The following WDR72 variants were observed in gnomAD, a reference collection of about 807,000 sequenced individuals.
WDR72 encodes WD repeat domain 72.
Under a neutral mutation model 124.2 loss-of-function variants are expected in WDR72, and 120 were observed. That is an observed-to-expected ratio of 0.97 (90% CI 0.83 to 1.12). WDR72 has a LOEUF of 1.12. Among genes scored for constraint, WDR72 ranks in the 50% most tolerant of loss-of-function variants. The pLI is 0.00. For synonymous variants in WDR72, 452 were observed against 441.7 expected (o/e 1.02, Z -0.29); for missense variants, 1,387 against 1,278.8 (o/e 1.08, Z -1.29).
chr15:53,536,635 C>T (rs16966177), intron 18 of WDR72, among the ~76,000 whole-genome samples: 37,267 of 152,094 alleles, frequency 0.25, 4,741 homozygotes, highest in African/African-American at 0.31. Flanking sequence ...TGTTCTCCAG[C>T]TGACGTTTTA....
chr15:53,661,165 T>C (rs192481098), intron 14 of WDR72, among the ~76,000 whole-genome samples: 1 of 152,336 alleles, frequency 6.6e-6, no homozygotes, highest in African/African-American at 2.4e-5. Context: ...CAAAAATATG[T>C]ACTATCTGGT....
intron 14 of WDR72, among the ~76,000 whole-genome samples, chr15:53,658,433 T>C (rs995139887): frequency 2.6e-5 from 4 of 152,098 alleles, no homozygotes; most frequent in East Asian, 1.9e-4. Flanking sequence ...CTTAGAAAAT[T>C]CTTCAAAACC....
At chr15:53,696,001 A>G (rs1311314006) in intron 13 of WDR72, among the ~76,000 whole-genome samples, 1 of 152,036 alleles carries the variant, frequency 6.6e-6, no homozygotes, top group Non-Finnish European at 1.5e-5. Context: ...TTGAGAATTA[A>G]TTACTTTTGG....
rs149848361 is a variant in WDR72, at chr15:53,753,130, C to T, written c.-13+6503G>A. On this transcript the variant is annotated intron_variant, in intron 1 of 19. Coordinates refer to ENST00000360509, the MANE Select transcript of WDR72 (RefSeq NM_182758.4). The stretch of plus-strand genomic sequence containing the variant: ...GCTTCTCGTGTAAAAATACTGTGTT[C>T]TTCCAAGGACTAGTTATCTTCTTCC... Among the ~76,000 whole-genome samples, 515 of 152,336 alleles carry T rather than the reference C, an allele frequency of 3.4e-3. 5 individuals carry two copies. The highest frequency in any genetic ancestry group is 0.012 in the African/African-American group (489 of 41,562).
upstream of WDR72, among the ~76,000 whole-genome samples, chr15:53,762,133 T>C (rs1424011949): frequency 2.0e-5 from 3 of 152,246 alleles, no homozygotes; most frequent in African/African-American, 2.4e-5. Context: ...TAACTCCTCC[T>C]TTTTTTCACT....
chr15:53,520,468 G>T (rs966264703), intron 19 of WDR72, among the ~76,000 whole-genome samples: 2 of 152,004 alleles, frequency 1.3e-5, no homozygotes, highest in Non-Finnish European at 2.9e-5. Context: ...AAAATGGTAA[G>T]AATGTGCATT....
intron 14 of WDR72, among the ~76,000 whole-genome samples, chr15:53,659,169 C>A (rs532276941): frequency 0.043 from 6,582 of 152,270 alleles, 220 homozygotes; most frequent in Admixed American, 0.08. Flanking sequence ...TACATTCACA[C>A]ATTAAGTAAG....
rs1007937171 is a variant in WDR72 at position 53,701,515 on chromosome 15, T to G, written c.1569+619A>C. ...ATGATCACGCCACTGTACTCCAGCC[T>G]GGATGACAAAGTGAGACCCTGTCTC... On this transcript the variant is annotated intron_variant, in intron 12 of 19. Coordinates refer to ENST00000360509, the MANE Select transcript of WDR72 (RefSeq NM_182758.4). Among the ~76,000 whole-genome samples, 3 of 146,700 alleles carry G rather than the reference T, an allele frequency of 2.0e-5. No homozygotes were observed. In the East Asian group the frequency reaches 6.4e-4, roughly 31 times the overall value.
At chr15:53,521,017 C>T (rs184267847) in intron 19 of WDR72, among the ~76,000 whole-genome samples, 26 of 152,154 alleles carry the variant, frequency 1.7e-4, no homozygotes, top group Admixed American at 1.6e-3. Flanking sequence ...CATGTCACTG[C>T]CTCTTTGTTG....
intron 1 of WDR72, among the ~76,000 whole-genome samples, chr15:53,745,136 A>G (rs568249394): frequency 1.3e-5 from 2 of 151,478 alleles, no homozygotes; most frequent in African/African-American, 4.9e-5. Context: ...TTTGAGCCTC[A>G]GTTTTCTTAT....
At chr15:53,630,516 GAAC>G (rs1308105931) in intron 14 of WDR72, among the ~76,000 whole-genome samples, 2 of 152,004 alleles carry the variant, frequency 1.3e-5, no homozygotes, top group Non-Finnish European at 2.9e-5. Context: ...TTTACACCAT[GAAC>G]AACTAGAATT....
chr15:53,547,026 G>T (rs1259944874), intron 18 of WDR72, among the ~76,000 whole-genome samples: 1 of 152,092 alleles, frequency 6.6e-6, no homozygotes, highest in African/African-American at 2.4e-5. Context: ...AATAAAATAG[G>T]ATTGCTGGAT....
In WDR72 at chr15:53,517,470, A is replaced by G; in HGVS notation, c.*229T>C. ...AACAGGAATAGAGAATGATCTAGGC[A>G]ATATTTTTCTAAAATTAGATGAATA... On this transcript the variant is annotated 3_prime_UTR_variant, in exon 20 of 20. Coordinates refer to ENST00000360509, the MANE Select transcript of WDR72 (RefSeq NM_182758.4). 3 of 516,294 alleles carry G rather than the reference A, an allele frequency of 5.8e-6. No individual in the cohort carries two copies. Among genetic ancestry groups the G allele is most frequent in the Non-Finnish European group, 1.0e-5 (3 of 285,718 alleles). The allele number at this position is 516,294 out of a possible 1,614,324, so 32.0% of individuals were successfully genotyped here. A position where few individuals can be genotyped will look rare whatever the true frequency, so the allele number is the denominator to read the frequency against.
chr15:53,718,838 TTA>T (rs919209711), intron 3 of WDR72, among the ~76,000 whole-genome samples: 2 of 151,388 alleles, frequency 1.3e-5, no homozygotes, highest in Admixed American at 6.6e-5. Context: ...TTTAAAAATC[TTA>T]AGAATTTTTA....
At chr15:53,704,119 A>C (rs1328066217) in intron 11 of WDR72, among the ~76,000 whole-genome samples, 2 of 152,210 alleles carry the variant, frequency 1.3e-5, no homozygotes, top group African/African-American at 4.8e-5. Flanking sequence ...ATACTCACAC[A>C]TCTGTACAGA....
chr15:53,522,917 CTA>C (rs2140210307), intron 19 of WDR72, among the ~76,000 whole-genome samples: 1 of 152,138 alleles, frequency 6.6e-6, no homozygotes, highest in East Asian at 1.9e-4. Flanking sequence ...TGCCATTTCT[CTA>C]TAGTTTCCAA....
At chr15:53,582,581 G>A (rs368534719) in intron 18 of WDR72, among the ~76,000 whole-genome samples, 19 of 151,718 alleles carry the variant, frequency 1.3e-4, no homozygotes, top group Non-Finnish European at 2.2e-4. Flanking sequence ...ATACCTGACC[G>A]CTAATTTAAA....
intron 18 of WDR72, among the ~76,000 whole-genome samples, chr15:53,593,349 A>G (rs1225398908): frequency 6.6e-6 from 1 of 152,132 alleles, no homozygotes. Flanking sequence ...ATAACAGCAC[A>G]GTATTTAGGA....
At chr15:53,529,729 C>A (rs1411699059) in intron 18 of WDR72, among the ~76,000 whole-genome samples, 2 of 152,004 alleles carry the variant, frequency 1.3e-5, no homozygotes, top group Non-Finnish European at 2.9e-5. Context: ...ATACTCCCAA[C>A]TCTTTCTATT....
Sources: gnomAD v4.1 joint callset for allele counts (sites outside exome capture counted in the v4.1 genomes callset) on GRCh38, gnomAD v4.1.1 for gene constraint, MANE v1.5 for transcripts, NCBI Gene and HGNC (gene_info 2026-07-23, HGNC 2026-07-21) for gene names.